Variants in HHIP observed in about 807,000 individuals in gnomAD.
The protein encoded by HHIP is hedgehog interacting protein, also known as hedgehog-interacting protein.
HHIP carries 12 observed loss-of-function variants against 74.0 expected under a neutral mutation model. The observed-to-expected ratio is 0.16, with a 90% confidence interval of 0.10 to 0.26. HHIP has a LOEUF of 0.26. Among genes scored for constraint, HHIP ranks in the 10% least tolerant of loss-of-function variants. The probability of loss-of-function intolerance (pLI) is 1.00; values close to 1 mark genes in which losing one functional copy is unlikely to be tolerated. For synonymous variants in HHIP, 309 were observed against 311.6 expected (o/e 0.99, Z 0.09); for missense variants, 788 against 845.0 (o/e 0.93, Z 0.84).
chr4:144,701,965 A>C (rs1355084698), intron 4 of HHIP, among the ~76,000 whole-genome samples: 1 of 152,166 alleles, frequency 6.6e-6, no homozygotes, highest in Non-Finnish European at 1.5e-5. Flanking sequence ...GTCACAATGA[A>C]AGATGTTGTC....
chr4:144,649,992 T>C (rs1239335303), intron 1 of HHIP, among the ~76,000 whole-genome samples: 1 of 152,198 alleles, frequency 6.6e-6, no homozygotes, highest in Admixed American at 6.5e-5. Flanking sequence ...TGTAGGCATA[T>C]GATTTTTAGA....
At chr4:144,691,017 A>T (rs2126634310) in intron 4 of HHIP, among the ~76,000 whole-genome samples, 1 of 152,306 alleles carries the variant, frequency 6.6e-6, no homozygotes. Context: ...GTTCTAACTT[A>T]GGCCATATTC....
At position 144,669,312 on chromosome 4, in the gene HHIP, G is replaced by GT. The variant is rs555421415; in HGVS notation, c.831+9481dup. On this transcript the variant is annotated intron_variant, in intron 4 of 12. Transcript: ENST00000296575. ...TTTATAACGTGTTATCATGAGAAAAGTTTTTTTCTAAATCACGTAACTTTC... is the reference window on the plus strand; with the variant it reads ...TTTATAACGTGTTATCATGAGAAAAGTTTTTTTTCTAAATCACGTAACTTTC... Among the ~76,000 whole-genome samples the GT allele has an allele frequency of 1.5e-3, 229 of 152,220 alleles. 2 individuals carry two copies. Among genetic ancestry groups the GT allele is most frequent in the African/African-American group, 5.1e-3 (213 of 41,544 alleles).
chr4:144,650,429 A>G (rs1281850277), intron 1 of HHIP, among the ~76,000 whole-genome samples: 1 of 152,174 alleles, frequency 6.6e-6, no homozygotes, highest in Non-Finnish European at 1.5e-5. Flanking sequence ...ACAGGAAATT[A>G]GCTTAAATTT....
intron 6 of HHIP, among the ~76,000 whole-genome samples, chr4:144,707,863 C>T (rs1169286414): frequency 6.6e-6 from 1 of 152,066 alleles, no homozygotes; most frequent in African/African-American, 2.4e-5. Context: ...GCTTCAAACC[C>T]CTGGGCTCAA....
Position 144,711,847 on chromosome 4 carries a change from C to A in HHIP, c.1302-103C>A, listed in dbSNP as rs1730314206. The A allele has an allele frequency of 4.5e-6, 5 of 1,109,110 alleles. No homozygotes were observed. In the South Asian group the frequency reaches 8.2e-5, roughly 18 times the overall value. 68.7% of individuals were successfully genotyped at this position (1,109,110 alleles called of 1,614,324 possible). A position where few individuals can be genotyped will look rare whatever the true frequency, so the allele number is the denominator to read the frequency against. ...GATCCAAACTAAATTGCCATAGGAT[C>A]CTTGCCAGTCCACAAAGGGCTCCTT... is the stretch of plus-strand genomic sequence containing the variant. On this transcript the variant is annotated intron_variant, in intron 7 of 12. Coordinates refer to ENST00000296575, the MANE Select transcript of HHIP (RefSeq NM_022475.3).
Position 144,696,549 on chromosome 4 carries a change from G to A in HHIP, c.832-9982G>A, listed in dbSNP as rs188919137. The stretch of plus-strand genomic sequence containing the variant: ...CAATGGGTGCTGATAAGAGAATACA[G>A]TCTCTTCTTTTTTTGTTCATTTCTT... On this transcript the variant is annotated intron_variant, in intron 4 of 12. Coordinates refer to ENST00000296575, the MANE Select transcript of HHIP (RefSeq NM_022475.3). Among the ~76,000 whole-genome samples the A allele has an allele frequency of 2.9e-3, 439 of 151,950 alleles. 2 individuals are homozygous for A. Among genetic ancestry groups the A allele is most frequent in the Middle Eastern group, 6.8e-3 (2 of 294 alleles).
At chr4:144,684,622 A>C (rs1444195075) in intron 4 of HHIP, among the ~76,000 whole-genome samples, 1 of 152,060 alleles carries the variant, frequency 6.6e-6, no homozygotes, top group Non-Finnish European at 1.5e-5. Flanking sequence ...TTGTACAAGG[A>C]TATTTTAACA....
intron 4 of HHIP, among the ~76,000 whole-genome samples, chr4:144,703,885 T>G (rs1469090725): frequency 6.6e-6 from 1 of 152,196 alleles, no homozygotes; most frequent in East Asian, 1.9e-4. Context: ...ATCAACATAT[T>G]TCTTCATAAG....
At chr4:144,730,885 C>T (rs1486338612) in intron 11 of HHIP, among the ~76,000 whole-genome samples, 1 of 152,064 alleles carries the variant, frequency 6.6e-6, no homozygotes, top group Non-Finnish European at 1.5e-5. Context: ...TCAGACGTTA[C>T]CAAATATTAG....
chr4:144,729,238 G>A (rs539154877), intron 11 of HHIP, among the ~76,000 whole-genome samples: 5 of 152,166 alleles, frequency 3.3e-5, no homozygotes, highest in Non-Finnish European at 7.4e-5. Context: ...AAAGTGATGA[G>A]TATTGGCTTA....
Position 144,742,914 on chromosome 4 carries a change from T to TTA in HHIP, c.*4967_*4968dup, listed in dbSNP as rs1371045068. The TTA allele has an allele frequency of 7.8e-6, 1 of 128,120 alleles. No homozygotes were observed. The highest frequency in any genetic ancestry group is 3.0e-5 in the African/African-American group (1 of 32,966). The allele number at this position is 128,120 out of a possible 1,614,324, so 7.9% of individuals were successfully genotyped here. On this transcript the variant is annotated 3_prime_UTR_variant, in exon 13 of 13. Coordinates refer to ENST00000296575, the MANE Select transcript of HHIP (RefSeq NM_022475.3). The stretch of plus-strand genomic sequence containing the variant: ...ATATATATATCTTTTTATATATATC[T>TTA]TATATATATATCTTTATATATATCT...
chr4:144,672,343 T>C (rs113440930), intron 4 of HHIP, among the ~76,000 whole-genome samples: 12 of 152,292 alleles, frequency 7.9e-5, no homozygotes, highest in African/African-American at 2.9e-4. Context: ...TGTAGTGAGA[T>C]TTCAGGTTTC....
intron 4 of HHIP, among the ~76,000 whole-genome samples, chr4:144,663,165 T>A (rs1728760082): frequency 1.3e-5 from 2 of 152,186 alleles, no homozygotes; most frequent in South Asian, 4.1e-4. Flanking sequence ...GGCATGCACC[T>A]GTAGTCCCAG....
At chr4:144,705,528 T>C (rs1001722141) in intron 4 of HHIP, among the ~76,000 whole-genome samples, 4 of 152,228 alleles carry the variant, frequency 2.6e-5, no homozygotes, top group African/African-American at 9.6e-5. Context: ...GAGAAAGTGC[T>C]TCCTGGCTTT....
At chr4:144,680,963 T>C (rs1187053373) in intron 4 of HHIP, among the ~76,000 whole-genome samples, 2 of 152,196 alleles carry the variant, frequency 1.3e-5, no homozygotes, top group East Asian at 1.9e-4. Flanking sequence ...TACCAAGGAA[T>C]AGGAACTTCT....
Position 144,742,192 on chromosome 4 carries a change from G to A in HHIP, c.*4235G>A, listed in dbSNP as rs1170400841. On this transcript the variant is annotated 3_prime_UTR_variant, in exon 13 of 13. Transcript: ENST00000296575. ...AATACACCCATGTTGAAGGTATCCT[G>A]GGCTAGATTGCTGTTGATTTTGCTG... is the stretch of plus-strand genomic sequence containing the variant. The A allele has an allele frequency of 6.6e-6, 1 of 151,950 alleles. No individual in the cohort carries two copies. The highest frequency in any genetic ancestry group is 1.5e-5 in the Non-Finnish European group (1 of 67,990). The allele number at this position is 151,950 out of a possible 1,614,324, so 9.4% of individuals were successfully genotyped here. A position where few individuals can be genotyped will look rare whatever the true frequency, so the allele number is the denominator to read the frequency against.
Position 144,706,670 on chromosome 4 carries a change from A to G in HHIP, c.971A>G (p.Tyr324Cys). The change falls in exon 5 of 13, where the codon TAC (tyrosine) becomes TGC (cysteine). Residue 324 changes from tyrosine to cysteine, a missense_variant. Coordinates refer to ENST00000296575, the MANE Select transcript of HHIP (RefSeq NM_022475.3). ...GACCACATTCTTAGGGTTGTGGAAT[A>G]CACAGTATCCAGGTATCACTAAAAG... ...PHDHILRVVE[Y>C]TVSRKNPHQV... is the part of the protein sequence containing the mutation. The G allele has an allele frequency of 6.2e-7, 1 of 1,611,500 alleles. No individual in the cohort carries two copies. Among genetic ancestry groups the G allele is most frequent in the Non-Finnish European group, 8.5e-7 (1 of 1,179,270 alleles).
At chr4:144,687,744 T>G (rs1298452791) in intron 4 of HHIP, among the ~76,000 whole-genome samples, 3 of 147,512 alleles carry the variant, frequency 2.0e-5, no homozygotes, top group Non-Finnish European at 4.5e-5. Context: ...CTAATAACTT[T>G]TGGCAACTTT....
Sources: gnomAD v4.1 joint callset for allele counts (sites outside exome capture counted in the v4.1 genomes callset) on GRCh38, gnomAD v4.1.1 for gene constraint, MANE v1.5 for transcripts, NCBI Gene and HGNC (gene_info 2026-07-23, HGNC 2026-07-21) for gene names.